Variants in ADGRL2 observed in about 807,000 individuals in gnomAD.
The protein encoded by ADGRL2 is calcium-independent alpha-latrotoxin receptor 2.
Under a neutral mutation model 157.4 loss-of-function variants are expected in ADGRL2, and 44 were observed. The observed-to-expected ratio is 0.28, with a 90% confidence interval of 0.22 to 0.36. The LOEUF (loss-of-function observed/expected upper bound fraction) is 0.36. Ranked by LOEUF, ADGRL2 falls within the 10% of genes least tolerant of loss-of-function variation. The probability of loss-of-function intolerance (pLI) is 1.00; values close to 1 mark genes in which losing one functional copy is unlikely to be tolerated. For missense variants in ADGRL2, 1,510 were observed against 1,768.9 expected (o/e 0.85, Z 2.63); for synonymous variants, 585 against 624.7 (o/e 0.94, Z 0.95).
intron 1 of ADGRL2, among the ~76,000 whole-genome samples, chr1:81,362,097 G>A (rs1194851081): frequency 6.6e-6 from 1 of 151,886 alleles, no homozygotes; most frequent in East Asian, 1.9e-4. Context: ...ATATTAGATA[G>A]CATTTATTTG....
At chr1:81,899,533 A>G (rs1397954874) in intron 2 of ADGRL2, among the ~76,000 whole-genome samples, 1 of 152,104 alleles carries the variant, frequency 6.6e-6, no homozygotes, top group Non-Finnish European at 1.5e-5. Context: ...TTGTTCAGAG[A>G]GGAGAAAATG....
intron 1 of ADGRL2, among the ~76,000 whole-genome samples, chr1:81,727,514 C>T (rs1396722730): frequency 6.6e-6 from 1 of 152,066 alleles, no homozygotes; most frequent in Non-Finnish European, 1.5e-5. Context: ...CTCACCCTAA[C>T]CTCTGACTCC....
At chr1:81,493,519 A>G (rs569609604) in intron 2 of ADGRL2, among the ~76,000 whole-genome samples, 11 of 152,194 alleles carry the variant, frequency 7.2e-5, no homozygotes, top group Non-Finnish European at 1.3e-4. Context: ...TAATACATCA[A>G]AAAAGAAGAC....
intron 1 of ADGRL2, among the ~76,000 whole-genome samples, chr1:81,438,702 G>A (rs2077453982): frequency 6.6e-6 from 1 of 152,200 alleles, no homozygotes; most frequent in Admixed American, 6.5e-5. Context: ...TTGCAGCAGG[G>A]ATGACCTGGG....
At chr1:81,757,108 T>C (rs536739980) in intron 1 of ADGRL2, among the ~76,000 whole-genome samples, 23 of 152,236 alleles carry the variant, frequency 1.5e-4, no homozygotes, top group Non-Finnish European at 2.9e-4. Flanking sequence ...CCAAATGGAA[T>C]TGGCTAGTAA....
intron 2 of ADGRL2, among the ~76,000 whole-genome samples, chr1:81,782,915 G>A (rs1030497145): frequency 6.6e-6 from 1 of 152,174 alleles, no homozygotes; most frequent in Non-Finnish European, 1.5e-5. Context: ...AAGGATCAGA[G>A]TAGGGAAGGG....
In ADGRL2 at chr1:81,878,945, A is replaced by G. The variant is rs529143803; in HGVS notation, c.74-28072A>G. ...TTAGCACTTGTTTTAAAACGTGTAT[A>G]CATTCTGAAAGAAGATACTTCCCCC... is the stretch of plus-strand genomic sequence containing the variant. On this transcript the variant is annotated intron_variant, in intron 2 of 23. Coordinates refer to ENST00000686636, the MANE Select transcript of ADGRL2 (RefSeq NM_001366006.2). Among the ~76,000 whole-genome samples, 59 of 152,328 alleles carry G rather than the reference A, an allele frequency of 3.9e-4. 1 individual carries two copies. The South Asian group carries it at 0.012, about 32-fold the overall frequency.
chr1:81,803,629 C>T (rs2149517248), intron 1 of ADGRL2, among the ~76,000 whole-genome samples: 1 of 152,108 alleles, frequency 6.6e-6, no homozygotes, highest in East Asian at 1.9e-4. Context: ...TGTTTTCCTC[C>T]TGTTTCTTGA....
rs1454103691 is a variant in ADGRL2, at chr1:81,991,014, C to T, written c.4279C>T (p.His1427Tyr). The T allele has an allele frequency of 1.2e-6, 2 of 1,613,942 alleles. No homozygotes were observed. Among genetic ancestry groups the T allele is most frequent in the Admixed American group, 3.3e-5 (2 of 59,996 alleles). The change falls in exon 24 of 24, where the codon CAT (histidine) becomes TAT (tyrosine). Residue 1427 changes from histidine to tyrosine, a missense_variant. By Grantham distance (83) the His-to-Tyr change is moderately conservative (BLOSUM62 2). Transcript: ENST00000686636. Reference sequence around the variant, plus strand: ...AAGCATGCCAAATCTTGGAGCTGGCCATCAGCTTCAGATGTGCTACCAGAT... The same window carrying T: ...AAGCATGCCAAATCTTGGAGCTGGCTATCAGCTTCAGATGTGCTACCAGAT... ...YKSMPNLGAGHQLQMCYQISR... is the reference protein window; with the variant it reads ...YKSMPNLGAGYQLQMCYQISR...
chr1:81,868,094 T>C (rs1054977409), intron 2 of ADGRL2, among the ~76,000 whole-genome samples: 1 of 150,430 alleles, frequency 6.6e-6, no homozygotes. Flanking sequence ...TGTGTGTGTG[T>C]GATAAAAATT....
chr1:81,406,192 A>T (rs1210604288), intron 1 of ADGRL2, among the ~76,000 whole-genome samples: 4 of 151,920 alleles, frequency 2.6e-5, no homozygotes, highest in South Asian at 2.1e-4. Flanking sequence ...ACATCATGAA[A>T]TTTTTTTTTA....
chr1:81,629,667 A>ATGTGTGTGTGTGTG (rs60497907), intron 3 of ADGRL2, among the ~76,000 whole-genome samples: 2 of 149,170 alleles, frequency 1.3e-5, no homozygotes, highest in African/African-American at 5.0e-5. Context: ...ATGAATGTAT[A>ATGTGTGTGTGTGTG]TGTGTGTGTG....
chr1:81,516,137 T>C (rs535968063), intron 2 of ADGRL2, among the ~76,000 whole-genome samples: 68 of 152,366 alleles, frequency 4.5e-4, no homozygotes, highest in African/African-American at 1.4e-3. Context: ...GTGTGAATAA[T>C]TTTTTCCTTA....
chr1:81,757,007 A>G (rs562584796), intron 1 of ADGRL2, among the ~76,000 whole-genome samples: 1 of 152,222 alleles, frequency 6.6e-6, no homozygotes, highest in East Asian at 1.9e-4. Flanking sequence ...TGTCTTTTGG[A>G]TCAAAAAGTT....
At chr1:81,598,364 G>A (rs2081275767) in intron 3 of ADGRL2, among the ~76,000 whole-genome samples, 2 of 152,180 alleles carry the variant, frequency 1.3e-5, no homozygotes, top group South Asian at 4.1e-4. Flanking sequence ...GGTTAGGAAA[G>A]AGAGTAGGTA....
chr1:81,479,177 A>C (rs965193803), intron 2 of ADGRL2, among the ~76,000 whole-genome samples: 5 of 152,038 alleles, frequency 3.3e-5, no homozygotes, highest in African/African-American at 1.2e-4. Context: ...TTTTTTAAAA[A>C]ATTTCTTCTT....
rs778532218 is a variant in ADGRL2, at chr1:81,993,072, T to TATATATATATATATAC, written c.*1942_*1943insCATATATATATATATA. Among the ~76,000 whole-genome samples, 3 of 30,370 alleles carry TATATATATATATATAC rather than the reference T, an allele frequency of 9.9e-5. No homozygotes were observed. The highest frequency in any genetic ancestry group is 5.4e-4 in the African/African-American group (3 of 5,604). The allele number at this position is 30,370 out of a possible 152,430, so 19.9% of individuals were successfully genotyped here. ...TATATAATATACATATATATATATATATATATATATATATATTTTTTTTTT... is the reference window on the plus strand; with the variant it reads ...TATATAATATACATATATATATATATATATATATATATATACATATATATATATATATTTTTTTTTT... On this transcript the variant is annotated 3_prime_UTR_variant, in exon 24 of 24. Coordinates refer to ENST00000686636, the MANE Select transcript of ADGRL2 (RefSeq NM_001366006.2).
intron 1 of ADGRL2, among the ~76,000 whole-genome samples, chr1:81,406,254 A>G (rs1051145351): frequency 4.6e-5 from 7 of 152,158 alleles, no homozygotes; most frequent in Non-Finnish European, 1.0e-4. Context: ...TAGAATTTTC[A>G]CCTTTCAAAT....
At chr1:81,398,732 C>T (rs1409179078) in intron 1 of ADGRL2, among the ~76,000 whole-genome samples, 6 of 152,196 alleles carry the variant, frequency 3.9e-5, no homozygotes, top group African/African-American at 1.4e-4. Flanking sequence ...ACCCAATTCT[C>T]TCCTGGTCTA....
Sources: allele counts gnomAD v4.1 joint callset (sites outside exome capture counted in the v4.1 genomes callset), GRCh38; gene constraint gnomAD v4.1.1; transcripts MANE v1.5; gene names NCBI Gene and HGNC (gene_info 2026-07-23, HGNC 2026-07-21).